The following TESK2 variants were observed in gnomAD, a reference collection of about 807,000 sequenced individuals.
TESK2 encodes the protein dual specificity testis-specific protein kinase 2.
Under a neutral mutation model 57.1 loss-of-function variants are expected in TESK2, and 39 were observed. The ratio of observed to expected loss-of-function variants is 0.68; its 90% confidence interval spans 0.53 to 0.89. The LOEUF (loss-of-function observed/expected upper bound fraction) is 0.89. Among genes scored for constraint, TESK2 ranks in the 40% least tolerant of loss-of-function variants. The pLI is 0.00. For missense variants in TESK2, 646 were observed against 732.1 expected, an observed-to-expected ratio of 0.88 and a Z score of 1.36; for synonymous variants, 249 against 267.9, an observed-to-expected ratio of 0.93 and a Z score of 0.69.
At chr1:45,453,807 T>G (rs1651968053) in intron 2 of TESK2, among the ~76,000 whole-genome samples, 1 of 152,026 alleles carries the variant, frequency 6.6e-6, no homozygotes, top group Non-Finnish European at 1.5e-5. Flanking sequence ...GGATAAATAT[T>G]CCCTATATAT....
chr1:45,443,568 CAAAAAAAAAAAA>C (rs34128016), intron 2 of TESK2, among the ~76,000 whole-genome samples: 1,431 of 32,130 alleles, frequency 0.045, 41 homozygotes, highest in African/African-American at 0.15. Context: ...AGATCCATCG[CAAAAAAAAAAAA>C]AAAAAAAAAA....
At chr1:45,406,736 A>G (rs1162116143) in intron 3 of TESK2, among the ~76,000 whole-genome samples, 1 of 152,204 alleles carries the variant, frequency 6.6e-6, no homozygotes, top group Non-Finnish European at 1.5e-5. Flanking sequence ...AGTCATCATG[A>G]GCTCTATCTA....
intron 3 of TESK2, among the ~76,000 whole-genome samples, chr1:45,420,520 G>A (rs1650428338): frequency 6.6e-6 from 1 of 150,572 alleles, no homozygotes; most frequent in Non-Finnish European, 1.5e-5. Context: ...GCCTCCCAAA[G>A]TACTGAGATT....
intron 3 of TESK2, among the ~76,000 whole-genome samples, chr1:45,412,510 G>GTA (rs1368094335): frequency 6.6e-6 from 1 of 152,150 alleles, no homozygotes; most frequent in African/African-American, 2.4e-5. Context: ...TTCCTACATA[G>GTA]TATAATTTAC....
At chr1:45,390,996 T>C (rs1037408143) in intron 3 of TESK2, among the ~76,000 whole-genome samples, 1 of 151,042 alleles carries the variant, frequency 6.6e-6, no homozygotes, top group African/African-American at 2.4e-5. Context: ...CGGCTCACTG[T>C]AAGCTCTGCC....
chr1:45,465,750 A>G (rs60136496), intron 1 of TESK2, among the ~76,000 whole-genome samples: 8,256 of 152,238 alleles, frequency 0.054, 776 homozygotes, highest in African/African-American at 0.19. Context: ...TCATTTTACC[A>G]GTGTGTGTAA....
At chr1:45,359,979 C>A (rs1350168173) in intron 4 of TESK2, among the ~76,000 whole-genome samples, 1 of 152,102 alleles carries the variant, frequency 6.6e-6, no homozygotes, top group African/African-American at 2.4e-5. Context: ...GGGGGCAGCA[C>A]CATGCAGCAC....
chr1:45,405,871 C>T (rs1257103026), intron 3 of TESK2, among the ~76,000 whole-genome samples: 2 of 136,882 alleles, frequency 1.5e-5, no homozygotes, highest in African/African-American at 5.4e-5. Context: ...AAGACCCTGT[C>T]TCAAAAAAAA....
At chr1:45,487,662 A>G in intron 1 of TESK2, among the ~76,000 whole-genome samples, 1 of 152,146 alleles carries the variant, frequency 6.6e-6, no homozygotes, top group East Asian at 1.9e-4. Flanking sequence ...GCCTCCCTCT[A>G]GATTTTGCTT....
intron 5 of TESK2, among the ~76,000 whole-genome samples, chr1:45,348,480 G>A (rs1647181933): frequency 6.6e-6 from 1 of 152,154 alleles, no homozygotes. Context: ...CTGTCCACAA[G>A]ATCACAACCA....
chr1:45,467,494 G>C (rs1264181843), intron 1 of TESK2, among the ~76,000 whole-genome samples: 1 of 151,850 alleles, frequency 6.6e-6, no homozygotes. Flanking sequence ...ACCACACCCG[G>C]CTAATTTTTG....
At chr1:45,458,219 A>T (rs1342406180) in intron 1 of TESK2, among the ~76,000 whole-genome samples, 1 of 152,214 alleles carries the variant, frequency 6.6e-6, no homozygotes, top group South Asian at 2.1e-4. Context: ...TGATATAAGG[A>T]TTATTATGTT....
At chr1:45,442,306 T>A (rs527275684) in intron 2 of TESK2, among the ~76,000 whole-genome samples, 75 of 152,154 alleles carry the variant, frequency 4.9e-4, no homozygotes, top group Middle Eastern at 6.8e-3. Context: ...TTTTTTTTTT[T>A]AAATTTACAT....
chr1:45,420,715 G>T (rs1201734676), intron 3 of TESK2, among the ~76,000 whole-genome samples: 2 of 151,702 alleles, frequency 1.3e-5, no homozygotes, highest in Non-Finnish European at 2.9e-5. Context: ...CTCCCAAGTG[G>T]CTGGGACTAT....
intron 3 of TESK2, among the ~76,000 whole-genome samples, chr1:45,398,582 C>T (rs1294415465): frequency 6.6e-6 from 1 of 151,946 alleles, no homozygotes; most frequent in Non-Finnish European, 1.5e-5. Context: ...TAAACCTCTA[C>T]TGGAGCATTT....
chr1:45,433,065 CTTTTTTTTTTTTTT>C (rs150419974), intron 2 of TESK2, among the ~76,000 whole-genome samples: 1 of 43,610 alleles, frequency 2.3e-5, no homozygotes, highest in Non-Finnish European at 3.8e-5. Context: ...CGCCCAGCCG[CTTTTTTTTTTTTTT>C]TTTTTTTTTT....
chr1:45,385,648 T>C (rs1279524232), intron 4 of TESK2, among the ~76,000 whole-genome samples: 1 of 151,066 alleles, frequency 6.6e-6, no homozygotes, highest in East Asian at 1.9e-4. Context: ...TAGAAGGACA[T>C]TAAGAAATAC....
At chr1:45,426,494 T>C (rs969656085) in intron 2 of TESK2, among the ~76,000 whole-genome samples, 2 of 152,114 alleles carry the variant, frequency 1.3e-5, no homozygotes, top group African/African-American at 4.8e-5. Context: ...CCTCAAACTA[T>C]GAAACTACTA....
At chr1:45,479,813 CTTTTT>C (rs35869444) in intron 1 of TESK2, among the ~76,000 whole-genome samples, 4 of 68,550 alleles carry the variant, frequency 5.8e-5, no homozygotes, top group African/African-American at 2.6e-4. Context: ...GAAGGCCCTT[CTTTTT>C]TTTTTTTTTT....
Sources: allele counts gnomAD v4.1 joint callset (sites outside exome capture counted in the v4.1 genomes callset), GRCh38; gene constraint gnomAD v4.1.1; transcripts MANE v1.5; gene names NCBI Gene and HGNC (gene_info 2026-07-23, HGNC 2026-07-21).